Variants in MFN1 observed in about 807,000 individuals in gnomAD.
The protein encoded by MFN1 is mitofusin 1, also known as mitofusin-1.
In MFN1, 65 loss-of-function variants were observed where a neutral mutation model predicts 92.4. The observed-to-expected ratio is 0.70, with a 90% confidence interval of 0.58 to 0.86. MFN1 has a LOEUF of 0.86. Ranked by LOEUF, MFN1 falls within the 40% of genes least tolerant of loss-of-function variation. The probability of loss-of-function intolerance (pLI) is 0.00; values close to 1 mark genes in which losing one functional copy is unlikely to be tolerated. For synonymous variants in MFN1, 297 were observed against 300.9 expected (o/e 0.99, Z 0.13); for missense variants, 781 against 868.0 (o/e 0.90, Z 1.26).
At chr3:179,362,106 A>G (rs969324726) in intron 4 of MFN1, among the ~76,000 whole-genome samples, 8 of 152,248 alleles carry the variant, frequency 5.3e-5, no homozygotes, top group African/African-American at 1.9e-4. Context: ...AGACTCCAGA[A>G]CTTATATACT....
intron 10 of MFN1, 68 bp downstream of exon 10, chr3:179,375,409 T>G (rs1713201949): frequency 6.3e-7 from 1 of 1,579,766 alleles, no homozygotes; most frequent in Non-Finnish European, 8.6e-7. Context: ...AAGATGAGGT[T>G]TTAAATTGTT....
intron 2 of MFN1, among the ~76,000 whole-genome samples, chr3:179,350,503 T>C (rs556539940): frequency 6.6e-6 from 1 of 152,308 alleles, no homozygotes; most frequent in East Asian, 1.9e-4. Flanking sequence ...GTTAAATGTG[T>C]ATTGTACGTG....
intron 17 of MFN1, among the ~76,000 whole-genome samples, chr3:179,391,501 G>A (rs915979128): frequency 2.0e-5 from 3 of 152,126 alleles, no homozygotes; most frequent in African/African-American, 4.8e-5. Flanking sequence ...ATGTATACTT[G>A]TATGACCTGA....
intron 3 of MFN1, among the ~76,000 whole-genome samples, chr3:179,355,912 A>G (rs753315112): frequency 4.6e-5 from 7 of 152,082 alleles, no homozygotes; most frequent in Non-Finnish European, 1.0e-4. Flanking sequence ...ACATCGCACC[A>G]CTGCACTCCA....
chr3:179,367,530 T>C lies in MFN1; in HGVS notation c.845T>C (p.Phe282Ser). 1 of 1,613,936 alleles carries C rather than the reference T, an allele frequency of 6.2e-7. No homozygotes were observed. Among genetic ancestry groups the C allele is most frequent in the Non-Finnish European group, 8.5e-7 (1 of 1,179,914 alleles). Residue 282 changes from phenylalanine to serine, a missense_variant, in exon 8 of 18, where the codon TTT becomes TCT. Phe to Ser is a radical substitution (Grantham distance 155). Transcript: ENST00000471841. The part of the protein sequence containing the change: ...NALEAQNRIF[F>S]VSAKEVLSAR... ...TTAGAAGCACAGAATCGTATCTTCT[T>C]TGTTTCAGCAAAGGAAGTTCTTAGT...
rs1399920452 is a variant in MFN1 at position 179,367,566 on chromosome 3, A to C, written c.881A>C (p.Gln294Pro). The change falls in exon 8 of 18, where the codon CAA becomes CCA. Residue 294 changes from glutamine to proline, a missense_variant. Transcript: ENST00000471841. ...AAGGAAGTTCTTAGTGCTAGAAAGC[A>C]AAAAGCACAGGGGATGCCAGAAAGT... ...SAKEVLSARKQKAQGMPESGV... is the reference protein window; with the variant it reads ...SAKEVLSARKPKAQGMPESGV... 6.2e-6 allele frequency: 10 copies of C among 1,613,128 alleles called. No individual in the cohort carries two copies. In the South Asian group the frequency reaches 1.1e-4, roughly 18 times the overall value.
At chr3:179,349,048 T>C in intron 2 of MFN1, 85 bp downstream of exon 2, 1 of 1,106,208 alleles carries the variant, frequency 9.0e-7, no homozygotes, top group Non-Finnish European at 1.3e-6. Context: ...ATTGAACACA[T>C]GTATAGGGCA....
chr3:179,384,455 T>A (rs1713593190), intron 14 of MFN1, among the ~76,000 whole-genome samples: 1 of 152,038 alleles, frequency 6.6e-6, no homozygotes, highest in Non-Finnish European at 1.5e-5. Context: ...TCTTCTTTTG[T>A]GAAATGTCTA....
chr3:179,366,238 A>G (rs1347939501), intron 7 of MFN1, among the ~76,000 whole-genome samples: 1 of 152,182 alleles, frequency 6.6e-6, no homozygotes, highest in Non-Finnish European at 1.5e-5. Context: ...AACCATGGGT[A>G]TATGTACTTA....
intron 3 of MFN1, among the ~76,000 whole-genome samples, chr3:179,356,892 G>A (rs916899113): frequency 6.6e-6 from 1 of 152,130 alleles, no homozygotes; most frequent in Non-Finnish European, 1.5e-5. Flanking sequence ...GCAGAGAAGA[G>A]GTTTAATCGT....
At chr3:179,384,759 TC>T (rs1274899632) in intron 14 of MFN1, among the ~76,000 whole-genome samples, 3 of 152,188 alleles carry the variant, frequency 2.0e-5, no homozygotes, top group African/African-American at 7.2e-5. Flanking sequence ...GGTTTCAAAC[TC>T]CTGGTCTCAA....
intron 5 of MFN1, among the ~76,000 whole-genome samples, chr3:179,363,711 C>A (rs1485608063): frequency 6.6e-6 from 1 of 151,872 alleles, no homozygotes; most frequent in African/African-American, 2.4e-5. Flanking sequence ...TCAGGCTGGT[C>A]TCAAAGTCCT....
chr3:179,367,954 T>TATATA, intron 8 of MFN1, 82 bp from the exon 9 acceptor site: 1 of 589,010 alleles, frequency 1.7e-6, no homozygotes, highest in Non-Finnish European at 2.3e-6. Flanking sequence ...ATATATATAT[T>TATATA]TAAAATTATA....
rs114692179 is a variant in MFN1 at position 179,391,441 on chromosome 3, C to T, written c.2148-540C>T. Among the ~76,000 whole-genome samples, 339 of 152,140 alleles carry T rather than the reference C, an allele frequency of 2.2e-3. 2 individuals are homozygous for T. Among genetic ancestry groups the T allele is most frequent in the African/African-American group, 7.0e-3 (289 of 41,518 alleles). On this transcript the variant is annotated intron_variant, in intron 17 of 17. Coordinates refer to ENST00000471841, the MANE Select transcript of MFN1 (RefSeq NM_033540.3). ...ATTTGGATAGAATTTAATGTGCTAACGCTGCAGGAGAGCTACCTCAAGAAA... is the reference window on the plus strand; with the variant it reads ...ATTTGGATAGAATTTAATGTGCTAATGCTGCAGGAGAGCTACCTCAAGAAA...
chr3:179,360,562 A>T (rs1452039982), intron 4 of MFN1, among the ~76,000 whole-genome samples: 2 of 152,132 alleles, frequency 1.3e-5, no homozygotes, highest in East Asian at 1.9e-4. Context: ...AAAAAAAAAA[A>T]AATAAAAGGA....
chr3:179,357,137 A>G (rs887916430), intron 3 of MFN1, among the ~76,000 whole-genome samples: 2 of 152,156 alleles, frequency 1.3e-5, no homozygotes, highest in African/African-American at 4.8e-5. Flanking sequence ...TGGGGGCCCA[A>G]AAAACATCTT....
chr3:179,348,678 C>T (rs1306239960), intron 1 of MFN1, 167 bp from the exon 2 acceptor site: 3 of 957,738 alleles, frequency 3.1e-6, no homozygotes, highest in African/African-American at 1.6e-5. Flanking sequence ...ATTCAAAAGT[C>T]GTCTCTAACT....
At chr3:179,350,295 A>G (rs1712096124) in intron 2 of MFN1, among the ~76,000 whole-genome samples, 2 of 151,928 alleles carry the variant, frequency 1.3e-5, no homozygotes, top group African/African-American at 4.8e-5. Context: ...CTCTCTTACC[A>G]TATTTTGAGC....
intron 9 of MFN1, among the ~76,000 whole-genome samples, chr3:179,371,600 G>A (rs1713025382): frequency 6.6e-6 from 1 of 152,124 alleles, no homozygotes; most frequent in Admixed American, 6.5e-5. Flanking sequence ...GTTTCAAAAT[G>A]CATTTGGACT....
Sources: gnomAD v4.1 joint callset for allele counts (sites outside exome capture counted in the v4.1 genomes callset) on GRCh38, gnomAD v4.1.1 for gene constraint, MANE v1.5 for transcripts, NCBI Gene and HGNC (gene_info 2026-07-23, HGNC 2026-07-21) for gene names.